Variants in SVIL observed in about 807,000 individuals in gnomAD.
SVIL encodes the protein supervillin.
SVIL carries 101 observed loss-of-function variants against 240.4 expected under a neutral mutation model. The ratio of observed to expected loss-of-function variants is 0.42; its 90% CI spans 0.36 to 0.50. The LOEUF is 0.50. Ranked by LOEUF, SVIL falls within the 20% of genes least tolerant of loss-of-function variation. The probability of loss-of-function intolerance (pLI) is 0.01; values close to 1 mark genes in which losing one functional copy is unlikely to be tolerated. For missense variants in SVIL, 2,512 were observed against 2,818.7 expected, an observed-to-expected ratio of 0.89 and a Z score of 2.46; for synonymous variants, 999 against 1,100.0, an observed-to-expected ratio of 0.91 and a Z score of 1.82.
upstream of SVIL, among the ~76,000 whole-genome samples, chr10:29,635,412 C>A (rs955283423): frequency 2.0e-5 from 3 of 152,136 alleles, no homozygotes; most frequent in Non-Finnish European, 2.9e-5. Context: ...AATTCTGTAA[C>A]CTCTGTGGAT....
rs1416914954 is a variant in SVIL at position 29,470,571 on chromosome 10, A to C, written c.5636-88T>G. 9.5e-5 allele frequency: 142 copies of C among 1,487,712 alleles called. 1 individual carries two copies. Among genetic ancestry groups the C allele is most frequent in the Non-Finnish European group, 3.7e-6 (4 of 1,093,288 alleles). The allele number at this position is 1,487,712 out of a possible 1,614,324, so 92.2% of individuals were successfully genotyped here. On this transcript the variant is annotated intron_variant, in intron 31 of 37. Transcript: ENST00000355867. ...CTTCCTAGTGTCCGCTGTGTCGTCC[A>C]AGGCAGCCACCTCCGTCCAGGGCCA... is the stretch of plus-strand genomic sequence containing the variant.
intron 1 of SVIL, among the ~76,000 whole-genome samples, chr10:29,612,648 T>G (rs552423472): frequency 4.2e-4 from 64 of 152,296 alleles, no homozygotes; most frequent in African/African-American, 1.5e-3. Context: ...TGAGTTCTCT[T>G]GGATGTTAAA....
chr10:29,730,025 T>A (rs1468430122), intron 1 of SVIL, among the ~76,000 whole-genome samples: 2 of 146,824 alleles, frequency 1.4e-5, no homozygotes, highest in African/African-American at 5.1e-5. Context: ...TAATTTTTTT[T>A]AAATTAGCTG....
At chr10:29,470,701 TAG>T (rs1945473542) in intron 31 of SVIL, among the ~76,000 whole-genome samples, 1 of 152,048 alleles carries the variant, frequency 6.6e-6, no homozygotes, top group Admixed American at 6.5e-5. Context: ...CTTACATAGT[TAG>T]AAGCAGGTGA....
chr10:29,687,898 T>C (rs1961206146), intron 1 of SVIL, among the ~76,000 whole-genome samples: 1 of 40,234 alleles, frequency 2.5e-5, no homozygotes, highest in South Asian at 6.3e-4. Flanking sequence ...CAGTCACTAA[T>C]TTGGTTATCA....
At chr10:29,491,076 C>G in intron 21 of SVIL, 57 bp from the exon 22 acceptor site, 1 of 1,549,720 alleles carries the variant, frequency 6.5e-7, no homozygotes, top group Non-Finnish European at 8.7e-7. Flanking sequence ...CCCTGGATGA[C>G]CTGGGGGTCT....
At chr10:29,567,701 C>T (rs1405367956) in intron 2 of SVIL, among the ~76,000 whole-genome samples, 1 of 152,098 alleles carries the variant, frequency 6.6e-6, no homozygotes, top group Non-Finnish European at 1.5e-5. Context: ...ACAGTTAAAC[C>T]AACCTGCTAG....
chr10:29,512,683 C>A, intron 17 of SVIL, 52 bp downstream of exon 17: 1 of 1,613,658 alleles, frequency 6.2e-7, no homozygotes, highest in Middle Eastern at 1.7e-4. Context: ...TTTTGATGCA[C>A]TTCCAAGAGT....
intron 1 of SVIL, among the ~76,000 whole-genome samples, chr10:29,701,099 C>A (rs1962480910): frequency 6.6e-6 from 1 of 152,226 alleles, no homozygotes; most frequent in Non-Finnish European, 1.5e-5. Flanking sequence ...CTGCATTATA[C>A]CCCTCTATTC....
rs1396929311 is a variant in SVIL at position 29,522,628 on chromosome 10, C to T, written c.3171G>A (p.Glu1057=). 2 of 1,613,940 alleles carry T rather than the reference C, an allele frequency of 1.2e-6. No individual in the cohort carries two copies. The highest frequency in any genetic ancestry group is 2.2e-5 in the South Asian group (2 of 91,020). The change falls in exon 16 of 38, where the codon GAG becomes GAA. Residue 1057 remains glutamate (E), a synonymous_variant. Coordinates refer to ENST00000355867, the MANE Select transcript of SVIL (RefSeq NM_021738.3). ...MKRKFSLRAA[E]FGEPTSEQTG... is the part of the protein sequence containing the mutation. ...TCTGCTCGGAAGTGGGCTCCCCGAA[C>T]TCTGCCGCTGGGAAGGAAAAGAGCA...
At chr10:29,505,834 T>A (rs1388882989) in intron 17 of SVIL, among the ~76,000 whole-genome samples, 1 of 152,052 alleles carries the variant, frequency 6.6e-6, no homozygotes, top group Non-Finnish European at 1.5e-5. Flanking sequence ...TCCAAAAAAA[T>A]AAATTCTTCT....
chr10:29,626,960 C>A (rs1404084556), intron 1 of SVIL, among the ~76,000 whole-genome samples: 5 of 152,030 alleles, frequency 3.3e-5, no homozygotes, highest in Non-Finnish European at 5.9e-5. Context: ...GGAGGCGGAG[C>A]TTGCAGTGAG....
intron 22 of SVIL, 33 bp from the exon 23 acceptor site, chr10:29,488,789 G>A (rs1367040161): frequency 4.4e-6 from 7 of 1,595,530 alleles, no homozygotes; most frequent in African/African-American, 1.3e-5. Flanking sequence ...CACAACGCAG[G>A]AGGTTCAGTT....
chr10:29,723,059 A>G (rs1343166), intron 1 of SVIL, among the ~76,000 whole-genome samples: 1 of 152,234 alleles, frequency 6.6e-6, no homozygotes, highest in African/African-American at 2.4e-5. Context: ...ACTGCCCTGT[A>G]CATAAAAGTC....
chr10:29,543,632 A>T (rs566849000), intron 6 of SVIL, among the ~76,000 whole-genome samples: 2 of 151,632 alleles, frequency 1.3e-5, no homozygotes, highest in Non-Finnish European at 2.9e-5. Context: ...TGCCTACATG[A>T]TCCTGTTCTC....
At position 29,562,769 on chromosome 10, in the gene SVIL, GAAAAA is replaced by G. The variant is rs34507610; in HGVS notation, c.-51+427_-51+431del. 4.0e-3 allele frequency among the ~76,000 whole-genome samples: 468 copies of G among 115,676 alleles called. 1 individual carries two copies. Among genetic ancestry groups the G allele is most frequent in the East Asian group, 6.8e-3 (26 of 3,798 alleles). 75.9% of individuals were successfully genotyped at this position (115,676 alleles called of 152,430 possible). A position where few individuals can be genotyped will look rare whatever the true frequency, so the allele number is the denominator to read the frequency against. ...GAGCGAGACTCCGTCTCAAAAAAAA[GAAAAA>G]AAAAAAAAAAAAAAAAAAAAAAGAG... On this transcript the variant is annotated intron_variant, in intron 3 of 37. Coordinates refer to ENST00000355867, the MANE Select transcript of SVIL (RefSeq NM_021738.3).
At chr10:29,519,978 A>ATC (rs4018663) in intron 16 of SVIL, among the ~76,000 whole-genome samples, 66,541 of 152,002 alleles carry the variant, frequency 0.44, 15,244 homozygotes, top group African/African-American at 0.55. Flanking sequence ...TCTTTCCAGT[A>ATC]TCTCACTTTT....
intron 1 of SVIL, among the ~76,000 whole-genome samples, chr10:29,581,634 A>G (rs1955951194): frequency 4.6e-5 from 7 of 152,234 alleles, no homozygotes; most frequent in Admixed American, 4.6e-4. Context: ...GCAATCACCT[A>G]AAAGACTTAT....
chr10:29,525,446 T>G (rs1950832749), intron 13 of SVIL, among the ~76,000 whole-genome samples: 1 of 152,146 alleles, frequency 6.6e-6, no homozygotes, highest in South Asian at 2.1e-4. Context: ...AAACCCCATC[T>G]CTACAAAAAA....
Sources: allele counts gnomAD v4.1 joint callset (sites outside exome capture counted in the v4.1 genomes callset), GRCh38; gene constraint gnomAD v4.1.1; transcripts MANE v1.5; gene names NCBI Gene and HGNC (gene_info 2026-07-23, HGNC 2026-07-21).